The following JAM3 variants were observed in gnomAD, a reference collection of about 807,000 sequenced individuals.
JAM3 encodes the protein junctional adhesion molecule C.
A neutral mutation model predicts 39.4 loss-of-function variants in JAM3; 31 were observed. That is an observed-to-expected ratio of 0.79 (90% CI 0.59 to 1.06). The LOEUF is 1.06. JAM3 is among the 50% of genes least tolerant of loss of function. The pLI is 0.00. For missense variants in JAM3, 455 were observed against 391.4 expected (o/e 1.16, Z -1.37); for synonymous variants, 182 against 148.7 (o/e 1.22, Z -1.63).
In JAM3 at chr11:134,139,209, C is replaced by T. The variant is rs186645764; in HGVS notation, c.77-642C>T. On this transcript the variant is annotated intron_variant, in intron 1 of 8. Transcript: ENST00000299106. ...AGATGCTAGTTTTGAAAGGGATTGC[C>T]ATGCAATTAGTTATCTTGCTTTCAT... Among the ~76,000 whole-genome samples, 17 of 152,322 alleles carry T rather than the reference C, an allele frequency of 1.1e-4. No homozygotes were observed. The East Asian group carries it at 3.3e-3, about 29-fold the overall frequency.
At chr11:134,127,935 G>A (rs1390530273) in intron 1 of JAM3, among the ~76,000 whole-genome samples, 2 of 152,070 alleles carry the variant, frequency 1.3e-5, no homozygotes, top group African/African-American at 2.4e-5. Flanking sequence ...TGCACTGGAT[G>A]TCCAGACAGA....
At chr11:134,086,858 C>A (rs1178630071) in intron 1 of JAM3, among the ~76,000 whole-genome samples, 1 of 151,998 alleles carries the variant, frequency 6.6e-6, no homozygotes, top group Non-Finnish European at 1.5e-5. Flanking sequence ...CTCTGTCTCC[C>A]AAGCTGGAGA....
intron 1 of JAM3, among the ~76,000 whole-genome samples, chr11:134,089,807 C>CCTTTGGGT (rs1941811974): frequency 6.6e-6 from 1 of 152,078 alleles, no homozygotes; most frequent in African/African-American, 2.4e-5. Context: ...GATTTATAAT[C>CCTTTGGGT]CTTTGGGTAT....
rs751392634 is a variant in JAM3 at position 134,148,688 on chromosome 11, T to G, written c.842+12T>G. 1.2e-6 allele frequency: 2 copies of G among 1,614,106 alleles called. No individual in the cohort carries two copies. Among genetic ancestry groups the G allele is most frequent in the Admixed American group, 3.3e-5 (2 of 60,004 alleles). Reference sequence around the variant, plus strand: ...CAGGATGGAGAAAGGTGAGCCTGCCTTATGTGAAAAAAGGGAAGTTCAAGC... The same window carrying G: ...CAGGATGGAGAAAGGTGAGCCTGCCGTATGTGAAAAAAGGGAAGTTCAAGC... On this transcript the variant is annotated intron_variant, in intron 7 of 8. Coordinates refer to ENST00000299106, the MANE Select transcript of JAM3 (RefSeq NM_032801.5).
At chr11:134,113,300 G>A (rs1325240950) in intron 1 of JAM3, among the ~76,000 whole-genome samples, 4 of 151,226 alleles carry the variant, frequency 2.6e-5, no homozygotes, top group African/African-American at 7.3e-5. Flanking sequence ...CCATTAACTC[G>A]TCATTTACAT....
intron 1 of JAM3, among the ~76,000 whole-genome samples, chr11:134,086,990 A>C (rs1455979851): frequency 1.3e-5 from 2 of 151,998 alleles, no homozygotes; most frequent in African/African-American, 4.8e-5. Context: ...TTTTTTGTGG[A>C]GATGAGGTCT....
At chr11:134,078,690 C>T (rs1248682655) in intron 1 of JAM3, among the ~76,000 whole-genome samples, 1 of 152,140 alleles carries the variant, frequency 6.6e-6, no homozygotes, top group East Asian at 1.9e-4. Context: ...GAGTCACACA[C>T]CCTTCTTTAA....
intron 1 of JAM3, among the ~76,000 whole-genome samples, chr11:134,105,393 TATC>T (rs1186026735): frequency 1.3e-5 from 2 of 152,122 alleles, no homozygotes; most frequent in Non-Finnish European, 2.9e-5. Flanking sequence ...CCACAGCCAA[TATC>T]ATACCGAATG....
At chr11:134,142,598 A>G (rs1044191399) in intron 3 of JAM3, among the ~76,000 whole-genome samples, 1 of 151,922 alleles carries the variant, frequency 6.6e-6, no homozygotes, top group Non-Finnish European at 1.5e-5. Flanking sequence ...TGAAAGTGTT[A>G]TTATGTCTTA....
chr11:134,123,387 C>G (rs999938679), intron 1 of JAM3, among the ~76,000 whole-genome samples: 2 of 152,008 alleles, frequency 1.3e-5, no homozygotes, highest in Non-Finnish European at 2.9e-5. Context: ...ACCCCCCCCC[C>G]CCCAAAAAAG....
At chr11:134,075,396 CAT>C (rs1302260351) in intron 1 of JAM3, among the ~76,000 whole-genome samples, 1 of 151,876 alleles carries the variant, frequency 6.6e-6, no homozygotes, top group Non-Finnish European at 1.5e-5. Context: ...TGGGAATGCA[CAT>C]GTTTTGTTTT....
intron 1 of JAM3, among the ~76,000 whole-genome samples, chr11:134,078,100 G>A (rs1941603500): frequency 6.6e-6 from 1 of 152,008 alleles, no homozygotes; most frequent in South Asian, 2.1e-4. Flanking sequence ...CAAGGGCTCA[G>A]TGTCCCCACT....
intron 1 of JAM3, among the ~76,000 whole-genome samples, chr11:134,122,576 G>C (rs996150606): frequency 6.6e-6 from 1 of 152,166 alleles, no homozygotes; most frequent in African/African-American, 2.4e-5. Context: ...TTTCTACCCT[G>C]TTATGGCCTG....
intron 1 of JAM3, among the ~76,000 whole-genome samples, chr11:134,103,490 A>G (rs1389934897): frequency 4.6e-5 from 7 of 152,244 alleles, no homozygotes; most frequent in African/African-American, 1.2e-4. Flanking sequence ...TCATAATGAC[A>G]GGATCAAATT....
At chr11:134,121,872 CAG>C (rs1273997167) in intron 1 of JAM3, among the ~76,000 whole-genome samples, 1 of 151,370 alleles carries the variant, frequency 6.6e-6, no homozygotes, top group Non-Finnish European at 1.5e-5. Flanking sequence ...AAACAAAATT[CAG>C]AGTGTGTCAA....
chr11:134,107,483 AATATAT>A (rs927196640), intron 1 of JAM3, among the ~76,000 whole-genome samples: 21 of 152,266 alleles, frequency 1.4e-4, no homozygotes, highest in African/African-American at 5.1e-4. Context: ...AAGTATAAAA[AATATAT>A]ATAAATAGTC....
In JAM3 at chr11:134,148,695, A is replaced by G; in HGVS notation, c.842+19A>G. 6.2e-7 allele frequency: 1 copy of G among 1,614,120 alleles called. No individual in the cohort carries two copies. The highest frequency in any genetic ancestry group is 8.5e-7 in the Non-Finnish European group (1 of 1,180,016). On this transcript the variant is annotated intron_variant, in intron 7 of 8. Transcript: ENST00000299106. ...GAGAAAGGTGAGCCTGCCTTATGTG[A>G]AAAAAGGGAAGTTCAAGCTGGCAAT...
chr11:134,107,506 A>T (rs887352431), intron 1 of JAM3, among the ~76,000 whole-genome samples: 7 of 152,152 alleles, frequency 4.6e-5, no homozygotes, highest in Non-Finnish European at 1.5e-5. Context: ...AGTCAAAAAA[A>T]AGTGTTTTGA....
chr11:134,074,517 A>G (rs550934013), intron 1 of JAM3, among the ~76,000 whole-genome samples: 1 of 152,266 alleles, frequency 6.6e-6, no homozygotes, highest in African/African-American at 2.4e-5. Flanking sequence ...TTGATAATGT[A>G]TTGTTTGTGA....
Sources: gnomAD v4.1 joint callset for allele counts (sites outside exome capture counted in the v4.1 genomes callset) on GRCh38, gnomAD v4.1.1 for gene constraint, MANE v1.5 for transcripts, NCBI Gene and HGNC (gene_info 2026-07-23, HGNC 2026-07-21) for gene names.